Variants in KCNC2 observed in about 807,000 individuals in gnomAD.
The protein encoded by KCNC2 is potassium voltage-gated channel subfamily C member 2.
KCNC2 carries 21 observed loss-of-function variants against 44.5 expected under a neutral mutation model. The ratio of observed to expected loss-of-function variants is 0.47; its 90% CI spans 0.33 to 0.68. The LOEUF (loss-of-function observed/expected upper bound fraction) is 0.68, where lower values mean the gene tolerates loss of function less well. Among genes scored for constraint, KCNC2 ranks in the 30% least tolerant of loss-of-function variants. The pLI is 0.01. For missense variants in KCNC2, 589 were observed against 826.2 expected, an observed-to-expected ratio of 0.71 and a Z score of 3.52; for synonymous variants, 391 against 339.1, an observed-to-expected ratio of 1.15 and a Z score of -1.68.
intron 2 of KCNC2, among the ~76,000 whole-genome samples, chr12:75,152,642 G>A (rs938192204): frequency 3.3e-5 from 5 of 151,996 alleles, no homozygotes; most frequent in African/African-American, 9.6e-5. Context: ...AACATTAATC[G>A]TATAACTTAC....
chr12:75,200,180 A>C (rs1193023892), intron 2 of KCNC2, among the ~76,000 whole-genome samples: 2 of 151,842 alleles, frequency 1.3e-5, no homozygotes. Flanking sequence ...GACAGCTAAA[A>C]TTTGTGCATT....
At chr12:75,154,214 C>G (rs1335456322) in intron 2 of KCNC2, among the ~76,000 whole-genome samples, 1 of 151,940 alleles carries the variant, frequency 6.6e-6, no homozygotes, top group East Asian at 1.9e-4. Flanking sequence ...CCTCCTGTCT[C>G]TGATATTTAT....
rs373729570 is a variant in KCNC2, at chr12:75,138,979, TAAAAAA to T, written c.687+68312_687+68317del. Among the ~76,000 whole-genome samples the T allele has an allele frequency of 2.9e-3, 226 of 77,924 alleles. 3 individuals carry two copies. Among genetic ancestry groups the T allele is most frequent in the African/African-American group, 0.011 (206 of 18,554 alleles). 51.1% of individuals were successfully genotyped at this position (77,924 alleles called of 152,430 possible). On this transcript the variant is annotated intron_variant, in intron 2 of 4. Transcript: ENST00000549446. ...CTGGGCCACAGAGCGAGACTCCGTG[TAAAAAA>T]AAAAAAAAAAAAAAAAAAAAACCAA...
At chr12:75,047,146 G>A (rs922413934) in intron 4 of KCNC2, among the ~76,000 whole-genome samples, 1 of 151,876 alleles carries the variant, frequency 6.6e-6, no homozygotes, top group Non-Finnish European at 1.5e-5. Flanking sequence ...TCCCTATTCT[G>A]TCAACAAACA....
At chr12:75,164,755 A>G (rs1891336830) in intron 2 of KCNC2, among the ~76,000 whole-genome samples, 1 of 151,712 alleles carries the variant, frequency 6.6e-6, no homozygotes, top group African/African-American at 2.4e-5. Context: ...GCCAATGGAA[A>G]GGTACCTGGA....
intron 2 of KCNC2, among the ~76,000 whole-genome samples, chr12:75,109,790 G>A (rs1010582005): frequency 6.6e-6 from 1 of 151,932 alleles, no homozygotes; most frequent in Admixed American, 6.6e-5. Context: ...AGAACTGAAG[G>A]CTTTTATTTT....
At chr12:75,049,246 T>C (rs1292016040) in intron 3 of KCNC2, among the ~76,000 whole-genome samples, 1 of 152,154 alleles carries the variant, frequency 6.6e-6, no homozygotes, top group Non-Finnish European at 1.5e-5. Context: ...TTAAAATTTC[T>C]AGAAGCTAAG....
At chr12:75,131,413 G>A (rs967554731) in intron 2 of KCNC2, among the ~76,000 whole-genome samples, 6 of 152,092 alleles carry the variant, frequency 3.9e-5, no homozygotes, top group Admixed American at 6.6e-5. Context: ...ATAGCAGTAG[G>A]CAGAATGGGC....
chr12:75,157,111 G>C (rs1310515704), intron 2 of KCNC2, among the ~76,000 whole-genome samples: 1 of 151,866 alleles, frequency 6.6e-6, no homozygotes, highest in East Asian at 1.9e-4. Context: ...CATCAGTTTT[G>C]TTAGAAGCAA....
intron 2 of KCNC2, among the ~76,000 whole-genome samples, chr12:75,143,076 G>T (rs115427488): frequency 6.6e-6 from 1 of 152,102 alleles, no homozygotes; most frequent in Admixed American, 6.5e-5. Flanking sequence ...GAATGGGTCC[G>T]TCTCAGAGGC....
intron 2 of KCNC2, among the ~76,000 whole-genome samples, chr12:75,172,297 G>A (rs1361164248): frequency 2.0e-5 from 3 of 151,786 alleles, no homozygotes. Flanking sequence ...GAAGATGGCG[G>A]GGAAGGACAC....
intron 2 of KCNC2, among the ~76,000 whole-genome samples, chr12:75,125,189 T>C (rs779798903): frequency 2.6e-5 from 4 of 152,170 alleles, no homozygotes; most frequent in Non-Finnish European, 5.9e-5. Context: ...GACTGACACA[T>C]GTTCTACCGT....
intron 2 of KCNC2, among the ~76,000 whole-genome samples, chr12:75,158,888 C>T (rs1476436032): frequency 1.3e-5 from 2 of 151,698 alleles, no homozygotes; most frequent in Non-Finnish European, 2.9e-5. Flanking sequence ...TTAGTCTTGT[C>T]CTAATCAGGC....
chr12:75,068,290 C>T (rs1242870330), intron 2 of KCNC2, among the ~76,000 whole-genome samples: 2 of 152,140 alleles, frequency 1.3e-5, no homozygotes, highest in Non-Finnish European at 2.9e-5. Context: ...GTGACAAAAT[C>T]GGTCTATGTT....
At chr12:75,099,459 C>T (rs1262507024) in intron 2 of KCNC2, among the ~76,000 whole-genome samples, 1 of 152,116 alleles carries the variant, frequency 6.6e-6, no homozygotes, top group African/African-American at 2.4e-5. Context: ...TGTACTTTTG[C>T]TATTTCCTTT....
chr12:75,141,409 A>C (rs1160410838), intron 2 of KCNC2, among the ~76,000 whole-genome samples: 1 of 152,226 alleles, frequency 6.6e-6, no homozygotes, highest in Non-Finnish European at 1.5e-5. Context: ...AACTAGTATA[A>C]AATAGCAAGT....
At position 75,048,278 on chromosome 12, in the gene KCNC2, AG is replaced by A; in HGVS notation, c.1654del (p.Leu552TyrfsTer27). On this transcript the variant is annotated frameshift_variant, in exon 4 of 5. Coordinates refer to ENST00000549446, the MANE Select transcript of KCNC2 (RefSeq NM_139137.4). LOFTEE classifies it high-confidence loss of function. ...GATGGGGAGCCTTTCTGGGGGTGAT[AG>A]TGGCGGCTCACTTCCTGTACTGTCG... The part of the protein sequence containing the change: ...GDDSTGSEPP[L>X]SPPERLPIRR... The A allele has an allele frequency of 6.2e-7, 1 of 1,612,758 alleles. No individual in the cohort carries two copies. The highest frequency in any genetic ancestry group is 1.3e-5 in the African/African-American group (1 of 74,894).
chr12:75,186,512 G>A (rs1241506525), intron 2 of KCNC2, among the ~76,000 whole-genome samples: 1 of 148,738 alleles, frequency 6.7e-6, no homozygotes, highest in African/African-American at 2.6e-5. Context: ...ATCTCCTTCT[G>A]TTGTAAAAAA....
chr12:75,138,601 G>A (rs1233529335), intron 2 of KCNC2, among the ~76,000 whole-genome samples: 10 of 152,114 alleles, frequency 6.6e-5, no homozygotes, highest in Non-Finnish European at 8.8e-5. Flanking sequence ...TGTTTTTATT[G>A]TATTTACTGA....
Sources: allele counts gnomAD v4.1 joint callset (sites outside exome capture counted in the v4.1 genomes callset), GRCh38; gene constraint gnomAD v4.1.1; transcripts MANE v1.5; gene names NCBI Gene and HGNC (gene_info 2026-07-23, HGNC 2026-07-21).